The following MCFD2 variants were observed in gnomAD, a reference collection of about 807,000 sequenced individuals.
MCFD2 encodes multiple coagulation factor deficiency 2, ER cargo receptor complex subunit, also known as multiple coagulation factor deficiency protein 2.
In MCFD2, 11 loss-of-function variants were observed where a neutral mutation model predicts 12.8. That is an observed-to-expected ratio of 0.86 (90% CI 0.54 to 1.42). The LOEUF (loss-of-function observed/expected upper bound fraction) is 1.42. MCFD2 is among the 40% of genes most tolerant of loss of function. The probability of loss-of-function intolerance (pLI) is 0.00; values close to 1 mark genes in which losing one functional copy is unlikely to be tolerated. For synonymous variants in MCFD2, 70 were observed against 68.1 expected (o/e 1.03, Z -0.14); for missense variants, 191 against 178.6 (o/e 1.07, Z -0.40).
At chr2:46,936,288 C>A (rs999512252) in intron 1 of MCFD2, among the ~76,000 whole-genome samples, 5 of 152,078 alleles carry the variant, frequency 3.3e-5, no homozygotes, top group Admixed American at 2.6e-4. Context: ...TTTTGTTGTG[C>A]ATCTGTAAGA....
chr2:46,911,900 A>C (rs572159879), intron 1 of MCFD2, among the ~76,000 whole-genome samples: 1 of 152,132 alleles, frequency 6.6e-6, no homozygotes, highest in African/African-American at 2.4e-5. Context: ...TTTTATGAAT[A>C]TGTATTCAAT....
chr2:46,913,404 G>C (rs972475529), intron 1 of MCFD2, among the ~76,000 whole-genome samples: 5 of 152,268 alleles, frequency 3.3e-5, no homozygotes, highest in African/African-American at 1.2e-4. Context: ...GAGAGAGAGA[G>C]AGAGGAAGAA....
upstream of MCFD2, chr2:46,917,413 C>G (rs563106521): frequency 2.9e-4 from 161 of 564,436 alleles, no homozygotes; most frequent in Non-Finnish European, 4.4e-4. Flanking sequence ...ATCTGCCATT[C>G]ATCCATCTCT....
chr2:46,920,089 G>A (rs114589579), upstream of MCFD2, among the ~76,000 whole-genome samples: 837 of 152,228 alleles, frequency 5.5e-3, 9 homozygotes, highest in African/African-American at 0.019. Context: ...TGTTTCTTCC[G>A]TCCCTGACTT....
chr2:46,910,541 T>C (rs1224657886), intron 1 of MCFD2, among the ~76,000 whole-genome samples: 2 of 152,198 alleles, frequency 1.3e-5, no homozygotes, highest in African/African-American at 2.4e-5. Flanking sequence ...TCAGAAGCTG[T>C]AGCTGTCTTT....
upstream of MCFD2, among the ~76,000 whole-genome samples, chr2:46,919,949 T>C (rs1228208715): frequency 6.6e-6 from 1 of 152,246 alleles, no homozygotes; most frequent in Non-Finnish European, 1.5e-5. Context: ...CTCTCCCTTA[T>C]TCATATTTCT....
upstream of MCFD2, among the ~76,000 whole-genome samples, chr2:46,920,095 G>A (rs1323482702): frequency 6.6e-6 from 1 of 152,102 alleles, no homozygotes; most frequent in Admixed American, 6.5e-5. Flanking sequence ...TTCCGTCCCT[G>A]ACTTTATCAA....
chr2:46,916,828 T>C (rs947538012), upstream of MCFD2, among the ~76,000 whole-genome samples: 10 of 151,852 alleles, frequency 6.6e-5, no homozygotes, highest in African/African-American at 2.2e-4. Context: ...AGAGACGGGG[T>C]TTCACCGTGT....
chr2:46,935,760 G>A (rs1221991786), intron 1 of MCFD2, among the ~76,000 whole-genome samples: 1 of 152,126 alleles, frequency 6.6e-6, no homozygotes, highest in African/African-American at 2.4e-5. Context: ...AATGAGAGAT[G>A]CAAGTCTTGT....
chr2:46,905,654 T>A, intron 3 of MCFD2, 60 bp from the exon 4 acceptor site: 1 of 1,403,124 alleles, frequency 7.1e-7, no homozygotes. Context: ...AGTGCTTAAC[T>A]AACGTCCAAA....
intron 1 of MCFD2, among the ~76,000 whole-genome samples, chr2:46,935,396 T>C (rs1490735818): frequency 6.6e-6 from 1 of 152,142 alleles, no homozygotes; most frequent in African/African-American, 2.4e-5. Context: ...AACTCCTTTC[T>C]TGCCACTGAG....
chr2:46,933,985 G>A (rs1669840611), intron 1 of MCFD2, among the ~76,000 whole-genome samples: 1 of 152,112 alleles, frequency 6.6e-6, no homozygotes, highest in South Asian at 2.1e-4. Context: ...TCTGATGGCT[G>A]GGAGCACTTG....
intron 1 of MCFD2, among the ~76,000 whole-genome samples, chr2:46,933,396 T>C (rs1412382481): frequency 6.6e-6 from 1 of 152,252 alleles, no homozygotes; most frequent in Non-Finnish European, 1.5e-5. Context: ...AAATAATTAC[T>C]GAGTGTCTAC....
chr2:46,921,156 A>G (rs1669083108), intron 1 of MCFD2, among the ~76,000 whole-genome samples: 1 of 152,198 alleles, frequency 6.6e-6, no homozygotes, highest in South Asian at 2.1e-4. Context: ...TAGTATATTC[A>G]TTATACTAGA....
In MCFD2 at chr2:46,908,141, G is replaced by A; in HGVS notation, c.150-172C>T. Reference sequence around the variant, plus strand: ...ACAGAGATAGACAAGGCCTTGAGAGGAGCAGGAAAAGTCAAATAGACCATC... The same window carrying A: ...ACAGAGATAGACAAGGCCTTGAGAGAAGCAGGAAAAGTCAAATAGACCATC... On this transcript the variant is annotated intron_variant, in intron 2 of 3. Transcript: ENST00000319466. The surrounding 1 kb of genome is among the most constrained non-coding windows in gnomAD (Gnocchi z 4.5). 1.4e-6 allele frequency: 1 copy of A among 716,974 alleles called. No individual in the cohort carries two copies. The highest frequency in any genetic ancestry group is 2.4e-6 in the Non-Finnish European group (1 of 411,860). 44.4% of individuals were successfully genotyped at this position (716,974 alleles called of 1,614,324 possible).
chr2:46,905,251 G>A lies in MCFD2; in HGVS notation c.*212C>T. On this transcript the variant is annotated 3_prime_UTR_variant, in exon 4 of 4. Transcript: ENST00000319466. ...TTGAAGCAAGCCCTTGTCCAATAAG[G>A]TATTTAATAGCACTTAGGGACTATT... 8 of 589,204 alleles carry A rather than the reference G, an allele frequency of 1.4e-5. No individual in the cohort carries two copies. Among genetic ancestry groups the A allele is most frequent in the South Asian group, 1.3e-4 (7 of 55,244 alleles). The allele number at this position is 589,204 out of a possible 1,614,324, so 36.5% of individuals were successfully genotyped here.
At chr2:46,915,863 C>T, upstream of MCFD2, 1 of 981,646 alleles carries the variant, frequency 1.0e-6, no homozygotes, top group Non-Finnish European at 1.2e-6. Context: ...CTGCCGCCCG[C>T]CCATTGGCGC....
At chr2:46,925,463 C>G (rs1047100349) in intron 1 of MCFD2, among the ~76,000 whole-genome samples, 2 of 152,082 alleles carry the variant, frequency 1.3e-5, no homozygotes, top group Non-Finnish European at 2.9e-5. Context: ...GAGGCTGAGG[C>G]AGGAGAATCT....
At chr2:46,906,292 G>A (rs1394031526) in intron 3 of MCFD2, among the ~76,000 whole-genome samples, 2 of 151,828 alleles carry the variant, frequency 1.3e-5, no homozygotes, top group Admixed American at 1.3e-4. Context: ...CACAACCAAG[G>A]ATCTTCCCTA....
Sources: gnomAD v4.1 joint callset for allele counts (sites outside exome capture counted in the v4.1 genomes callset) on GRCh38, gnomAD v4.1.1 for gene constraint, Gnocchi (gnomAD v3.1) non-coding constraint, MANE v1.5 for transcripts, NCBI Gene and HGNC (gene_info 2026-07-23, HGNC 2026-07-21) for gene names.